The following PEX5 variants were observed in gnomAD, a reference collection of about 807,000 sequenced individuals.
PEX5 encodes the protein PTS1 receptor.
In PEX5, 52 loss-of-function variants were observed where a neutral mutation model predicts 82.9. The ratio of observed to expected loss-of-function variants is 0.63; its 90% CI spans 0.50 to 0.79. The LOEUF is 0.79. Among genes scored for constraint, PEX5 ranks in the 30% least tolerant of loss-of-function variants. PEX5 has a pLI of 0.00. For missense variants in PEX5, 719 were observed against 815.2 expected, an observed-to-expected ratio of 0.88 and a Z score of 1.44; for synonymous variants, 300 against 318.8, an observed-to-expected ratio of 0.94 and a Z score of 0.63.
At position 7,210,192 on chromosome 12, in the gene PEX5, CCCT is replaced by C. The variant is rs1945389740; in HGVS notation, c.1893_1895del (p.Leu632del). 2 of 1,614,188 alleles carry C rather than the reference CCCT, an allele frequency of 1.2e-6. No individual in the cohort carries two copies. Among genetic ancestry groups the C allele is most frequent in the Non-Finnish European group, 1.7e-6 (2 of 1,180,032 alleles). ...GCAGCCGACGCGCGGGATCTGTCCA[CCCT>C]CCTAACTATGTTTGGCCTGCCCCAG... On this transcript the variant is annotated inframe_deletion, in exon 16 of 16. Transcript: ENST00000675855.
chr12:7,197,428 T>TATACAATGTAATTATATATGTCAC lies in PEX5; in HGVS notation c.449-1568_449-1567insATATGTCACATACAATGTAATTAT, dbSNP rs1329067441. Among the ~76,000 whole-genome samples, 53 of 121,258 alleles carry TATACAATGTAATTATATATGTCAC rather than the reference T, an allele frequency of 4.4e-4. 4 individuals carry two copies. Among genetic ancestry groups the TATACAATGTAATTATATATGTCAC allele is most frequent in the African/African-American group, 1.3e-3 (41 of 32,460 alleles). 79.5% of individuals were successfully genotyped at this position (121,258 alleles called of 152,430 possible). A position where few individuals can be genotyped will look rare whatever the true frequency, so the allele number is the denominator to read the frequency against. ...TCATATACAATGTAATTATATGTCA[T>TATACAATGTAATTATATATGTCAC]ATACAATGTAATTATGTTATATATA... is the stretch of plus-strand genomic sequence containing the variant. On this transcript the variant is annotated intron_variant, in intron 5 of 15. Transcript: ENST00000675855.
In PEX5 at chr12:7,207,724, G is replaced by A. The variant is rs1258259969; in HGVS notation, c.1032G>A (p.Arg344=). The A allele has an allele frequency of 2.5e-6, 4 of 1,614,080 alleles. No individual in the cohort carries two copies. Among genetic ancestry groups the A allele is most frequent in the Non-Finnish European group, 3.4e-6 (4 of 1,179,986 alleles). The change falls in exon 11 of 16, where the codon CGG becomes CGA. Residue 344 remains arginine (R), a synonymous_variant. Coordinates refer to ENST00000675855, the MANE Select transcript of PEX5 (RefSeq NM_001351132.2). ...CTCAGCCTTTTGAAGAAGGGCTGCG[G>A]CGCCTTCAGGAGGGGGACCTGCCAA... ...DHPQPFEEGL[R]RLQEGDLPNA...
At chr12:7,200,308 C>T (rs1179467593) in intron 6 of PEX5, among the ~76,000 whole-genome samples, 9 of 150,380 alleles carry the variant, frequency 6.0e-5, no homozygotes, top group African/African-American at 1.7e-4. Context: ...CGGGCAGAGA[C>T]GCTCCTCACT....
chr12:7,191,704 A>C lies in PEX5; in HGVS notation c.448+4A>C, dbSNP rs750100854. The C allele has an allele frequency of 6.2e-7, 1 of 1,613,042 alleles. No homozygotes were observed. Among genetic ancestry groups the C allele is most frequent in the South Asian group, 1.1e-5 (1 of 91,040 alleles). On this transcript the variant is annotated splice_donor_region_variant and intron_variant, in intron 5 of 15. Coordinates refer to ENST00000675855, the MANE Select transcript of PEX5 (RefSeq NM_001351132.2). ...GAATTCATCTCTGAAGTTACAGGTG[A>C]AACTTGTTATGGGAAAATCTATATT...
intron 10 of PEX5, among the ~76,000 whole-genome samples, chr12:7,206,434 T>C (rs1318823236): frequency 6.6e-6 from 1 of 152,244 alleles, no homozygotes; most frequent in Non-Finnish European, 1.5e-5. Context: ...GAAATATTTA[T>C]TATCTGGCCC....
intron 5 of PEX5, among the ~76,000 whole-genome samples, chr12:7,194,736 T>G (rs1941787309): frequency 6.6e-6 from 1 of 152,220 alleles, no homozygotes; most frequent in East Asian, 1.9e-4. Context: ...GAGGTTCATA[T>G]GATAATCGTG....
At chr12:7,199,148 A>AG in intron 6 of PEX5, 35 bp downstream of exon 6, 1 of 1,195,838 alleles carries the variant, frequency 8.4e-7, no homozygotes, top group South Asian at 1.3e-5. Flanking sequence ...ATCCCGTGAA[A>AG]GGAGTATGGA....
Position 7,210,499 on chromosome 12 carries a change from G to T in PEX5, c.*276G>T. ...GCTCATCATGCCCTTTCTTGGTGCT[G>T]CTTTTTGGGTAGGACCCCACGATTT... On this transcript the variant is annotated 3_prime_UTR_variant, in exon 16 of 16. Transcript: ENST00000675855. 1.8e-6 allele frequency: 1 copy of T among 552,254 alleles called. No individual in the cohort carries two copies. The highest frequency in any genetic ancestry group is 3.3e-6 in the Non-Finnish European group (1 of 305,820). 34.2% of individuals were successfully genotyped at this position (552,254 alleles called of 1,614,324 possible).
chr12:7,208,075 G>A lies in PEX5; in HGVS notation c.1176G>A (p.Leu392=). The change falls in exon 12 of 16, where the codon TTG becomes TTA. Residue 392 remains leucine (L), a synonymous_variant. Coordinates refer to ENST00000675855, the MANE Select transcript of PEX5 (RefSeq NM_001351132.2). ...NEQELLAISA[L]RRCLELKPDN... ...AAGAACTATTAGCCATCAGTGCATT[G>A]CGGAGGTGAGTACACTGAAAGGTGT... The A allele has an allele frequency of 6.2e-7, 1 of 1,611,006 alleles. No individual in the cohort carries two copies. The highest frequency in any genetic ancestry group is 8.5e-7 in the Non-Finnish European group (1 of 1,177,072).
In PEX5 at chr12:7,209,167, C is replaced by G; in HGVS notation, c.1557C>G (p.Pro519=). Residue 519 remains proline, a synonymous_variant, in exon 14 of 16, where the codon CCC becomes CCG. Coordinates refer to ENST00000675855, the MANE Select transcript of PEX5 (RefSeq NM_001351132.2). ...TCACAGCTGCCCTCAGCGTTCGTCC[C>G]AATGTGAGCCCAGGGGAGGAATGGA... ...DCFTAALSVR[P]NDYLLWNKLG... is the part of the protein sequence containing the mutation. 1 of 1,613,706 alleles carries G rather than the reference C, an allele frequency of 6.2e-7. No individual in the cohort carries two copies. Among genetic ancestry groups the G allele is most frequent in the Non-Finnish European group, 8.5e-7 (1 of 1,179,924 alleles).
intron 6 of PEX5, among the ~76,000 whole-genome samples, chr12:7,201,222 TAC>T (rs1198718524): frequency 6.6e-5 from 10 of 150,728 alleles, no homozygotes; most frequent in East Asian, 3.9e-4. Flanking sequence ...TACATGTATA[TAC>T]ACACGTATAC....
downstream of PEX5, among the ~76,000 whole-genome samples, chr12:7,215,782 A>G (rs758202121): frequency 1.3e-5 from 2 of 152,220 alleles, no homozygotes; most frequent in East Asian, 3.9e-4. Flanking sequence ...GTTGGGTACT[A>G]TGCTCACTCT....
intron 5 of PEX5, among the ~76,000 whole-genome samples, chr12:7,192,589 G>A (rs1374963694): frequency 2.6e-5 from 4 of 152,098 alleles, no homozygotes; most frequent in African/African-American, 9.7e-5. Context: ...GCTCTCAAAA[G>A]TTAGCCTTTT....
At chr12:7,190,980 C>T in intron 3 of PEX5, 57 bp downstream of exon 3, 1 of 1,515,820 alleles carries the variant, frequency 6.6e-7, no homozygotes, top group Non-Finnish European at 9.2e-7. Flanking sequence ...GTGTTTTTAC[C>T]TTTAAACTTA....
At chr12:7,214,364 A>G, downstream of PEX5, among the ~76,000 whole-genome samples, 1 of 152,008 alleles carries the variant, frequency 6.6e-6, no homozygotes, top group Non-Finnish European at 1.5e-5. Flanking sequence ...TGTGGCACAT[A>G]TACACCATGG....
At chr12:7,203,654 G>A in intron 10 of PEX5, 103 bp downstream of exon 10, 1 of 1,136,578 alleles carries the variant, frequency 8.8e-7, no homozygotes, top group Non-Finnish European at 1.3e-6. Flanking sequence ...ATTTTCTTGA[G>A]TCCCTTTCCA....
chr12:7,200,859 C>T (rs1017338027), intron 6 of PEX5, among the ~76,000 whole-genome samples: 3 of 152,060 alleles, frequency 2.0e-5, no homozygotes, highest in Non-Finnish European at 2.9e-5. Context: ...AGCTTCGGCT[C>T]GGCATCAGAG....
chr12:7,201,260 T>C (rs1484642201), intron 6 of PEX5, among the ~76,000 whole-genome samples: 1 of 119,986 alleles, frequency 8.3e-6, no homozygotes, highest in East Asian at 2.2e-4. Flanking sequence ...GATACATGCG[T>C]ACACATGTAT....
chr12:7,206,134 T>C (rs762551857), intron 10 of PEX5, among the ~76,000 whole-genome samples: 4 of 152,354 alleles, frequency 2.6e-5, no homozygotes, highest in African/African-American at 9.6e-5. Flanking sequence ...GAAGGATTTA[T>C]TTTATTGAAC....
Sources: gnomAD v4.1 joint callset for allele counts (sites outside exome capture counted in the v4.1 genomes callset) on GRCh38, gnomAD v4.1.1 for gene constraint, MANE v1.5 for transcripts, NCBI Gene and HGNC (gene_info 2026-07-23, HGNC 2026-07-21) for gene names.